IQUB: variants seen among roughly 807,000 people sequenced by gnomAD.
The protein encoded by IQUB is IQ motif and ubiquitin-like domain-containing protein.
IQUB carries 86 observed loss-of-function variants against 86.4 expected under a neutral mutation model. The observed-to-expected ratio is 1.00, with a 90% CI of 0.84 to 1.19. IQUB has a LOEUF of 1.19. Ranked by LOEUF, IQUB falls within the 50% of genes most tolerant of loss-of-function variation. The pLI, the probability that IQUB is intolerant of heterozygous loss-of-function variation, is 0.00. For synonymous variants in IQUB, 289 were observed against 304.5 expected (o/e 0.95, Z 0.53); for missense variants, 946 against 916.9 (o/e 1.03, Z -0.41).
intron 12 of IQUB, among the ~76,000 whole-genome samples, chr7:123,453,834 T>G (rs1260996177): frequency 6.6e-6 from 1 of 152,192 alleles, no homozygotes; most frequent in Non-Finnish European, 1.5e-5. Flanking sequence ...AATTTTCTTG[T>G]TTCTCTGTAA....
intron 10 of IQUB, among the ~76,000 whole-genome samples, chr7:123,463,153 T>TTATC (rs1794082445): frequency 1.3e-5 from 2 of 151,742 alleles, no homozygotes; most frequent in Non-Finnish European, 3.0e-5. Context: ...TTTAAATACT[T>TTATC]TATCTTAATT....
At chr7:123,519,685 G>C (rs886835662) in intron 1 of IQUB, among the ~76,000 whole-genome samples, 13 of 152,024 alleles carry the variant, frequency 8.6e-5, no homozygotes, top group African/African-American at 2.4e-4. Flanking sequence ...GTTGGTTAAG[G>C]GGTTCAAAAA....
Position 123,509,944 on chromosome 7 carries a change from G to A in IQUB, c.489C>T (p.His163=), listed in dbSNP as rs748375916. The part of the protein sequence containing the change: ...ILKYLKDHFS[H]LLGIPHSVLQ... ...GTACAGAATGTGGGATACCTAATAA[G>A]TGTGAAAAATGGTCCTTAAGATATT... is the stretch of plus-strand genomic sequence containing the variant. Residue 163 remains histidine, a synonymous_variant, in exon 3 of 13, where the codon CAC becomes CAT. Coordinates refer to ENST00000324698, the MANE Select transcript of IQUB (RefSeq NM_178827.5). 6.2e-7 allele frequency: 1 copy of A among 1,609,560 alleles called. No homozygotes were observed. Among genetic ancestry groups the A allele is most frequent in the East Asian group, 2.2e-5 (1 of 44,708 alleles).
At chr7:123,489,429 A>C (rs1795361107) in intron 7 of IQUB, among the ~76,000 whole-genome samples, 1 of 152,166 alleles carries the variant, frequency 6.6e-6, no homozygotes, top group Non-Finnish European at 1.5e-5. Flanking sequence ...ATATGAAGAA[A>C]GATACTACAT....
intron 9 of IQUB, among the ~76,000 whole-genome samples, chr7:123,467,752 C>A (rs554817667): frequency 1.3e-5 from 2 of 152,194 alleles, no homozygotes; most frequent in East Asian, 3.9e-4. Context: ...AGCCCCTGAA[C>A]TGCCCTTGTC....
At chr7:123,467,369 C>T (rs1406813683) in intron 9 of IQUB, among the ~76,000 whole-genome samples, 1 of 152,042 alleles carries the variant, frequency 6.6e-6, no homozygotes, top group Non-Finnish European at 1.5e-5. Context: ...CTCCACTGAG[C>T]TTCTCTCCGA....
intron 1 of IQUB, among the ~76,000 whole-genome samples, chr7:123,513,419 G>A (rs186490371): frequency 5.5e-4 from 84 of 152,174 alleles, no homozygotes; most frequent in Middle Eastern, 6.8e-3. Flanking sequence ...GGAAAAGAAA[G>A]CCTAGCATGT....
At position 123,461,268 on chromosome 7, in the gene IQUB, TCACACA is replaced by T. The variant is rs111355527; in HGVS notation, c.2007+83_2007+88del. ...AGTGGAATAGAGAGTCATTAAACAA[TCACACA>T]CACACACACAAACATACATAAGATT... On this transcript the variant is annotated intron_variant, in intron 11 of 12. Transcript: ENST00000324698. 8 of 1,254,268 alleles carry T rather than the reference TCACACA, an allele frequency of 6.4e-6. No individual in the cohort carries two copies. In the African/African-American group the frequency reaches 9.1e-5, roughly 14 times the overall value. 77.7% of individuals were successfully genotyped at this position (1,254,268 alleles called of 1,614,324 possible).
rs377071329 is a variant in IQUB, at chr7:123,461,586, T to G, written c.1778A>C (p.Lys593Thr). The G allele has an allele frequency of 5.6e-6, 9 of 1,610,202 alleles. No individual in the cohort carries two copies. In the African/African-American group the frequency reaches 1.2e-4, roughly 22 times the overall value. ...GCAAAAGTAAATCTTCTTATAAAAT[T>G]TCAATGGGTCTTGAGGGACCTAAAT... ...KYLKVPQDPL[K>T]FYKKIYFCHS... The change falls in exon 11 of 13, where the codon AAA becomes ACA. Residue 593 changes from lysine (K) to threonine (T), a missense_variant. By Grantham distance (78) the Lys-to-Thr change is moderately conservative (BLOSUM62 -1). Transcript: ENST00000324698.
intron 8 of IQUB, among the ~76,000 whole-genome samples, chr7:123,476,148 T>C (rs1280095590): frequency 6.6e-6 from 1 of 151,838 alleles, no homozygotes; most frequent in Non-Finnish European, 1.5e-5. Flanking sequence ...ACTCTTTCCT[T>C]TAAAGGTTCA....
intron 1 of IQUB, among the ~76,000 whole-genome samples, chr7:123,529,173 T>G (rs1797402013): frequency 6.6e-6 from 1 of 152,180 alleles, no homozygotes; most frequent in Non-Finnish European, 1.5e-5. Context: ...ACATGCTAAT[T>G]TTATTTCTCA....
chr7:123,522,463 T>C (rs896041984), intron 1 of IQUB, among the ~76,000 whole-genome samples: 1 of 152,252 alleles, frequency 6.6e-6, no homozygotes, highest in African/African-American at 2.4e-5. Context: ...AAGTCTCATA[T>C]TCCACACTTG....
At chr7:123,476,068 C>A (rs2117053116) in intron 8 of IQUB, among the ~76,000 whole-genome samples, 1 of 152,298 alleles carries the variant, frequency 6.6e-6, no homozygotes, top group Non-Finnish European at 1.5e-5. Context: ...TCCCTACCTT[C>A]TTCCACAAAC....
chr7:123,502,626 C>A lies in IQUB; in HGVS notation c.994G>T (p.Ala332Ser), dbSNP rs1270256657. 1.9e-6 allele frequency: 3 copies of A among 1,611,908 alleles called. No homozygotes were observed. Among genetic ancestry groups the A allele is most frequent in the Non-Finnish European group, 2.5e-6 (3 of 1,179,392 alleles). Residue 332 changes from alanine (A) to serine (S), a missense_variant, in exon 6 of 13, where the codon GCA (alanine) becomes TCA (serine). Ala to Ser is a moderately conservative substitution (Grantham distance 99, BLOSUM62 1). Transcript: ENST00000324698. ...LVTPGKYFSA[A>S]EYHAQRLKAV... ...TTTAGTCTTTGAGCATGGTATTCTG[C>A]TGCTGAAAAATACTTTCCTGGTGTT...
chr7:123,509,629 T>C (rs1431142283), intron 3 of IQUB, among the ~76,000 whole-genome samples: 2 of 152,188 alleles, frequency 1.3e-5, no homozygotes, highest in Non-Finnish European at 2.9e-5. Context: ...ACACATTACA[T>C]GGTAGCTACT....
chr7:123,515,733 AT>A lies in IQUB; in HGVS notation c.-4-3390del, dbSNP rs1489643272. ...TACCTATTAGAATAATTAAAATAATATTTTTTAAAGCTCTCTAATAGCAAGT... is the reference window on the plus strand; with the variant it reads ...TACCTATTAGAATAATTAAAATAATATTTTTAAAGCTCTCTAATAGCAAGT... On this transcript the variant is annotated intron_variant, in intron 1 of 12. Coordinates refer to ENST00000324698, the MANE Select transcript of IQUB (RefSeq NM_178827.5). 5.3e-5 allele frequency among the ~76,000 whole-genome samples: 8 copies of A among 152,242 alleles called. No individual in the cohort carries two copies. The South Asian group carries it at 1.2e-3, about 24-fold the overall frequency.
At chr7:123,508,466 C>A (rs1329081803) in intron 3 of IQUB, among the ~76,000 whole-genome samples, 3 of 152,176 alleles carry the variant, frequency 2.0e-5, no homozygotes. Context: ...AGGCTTAATC[C>A]CACCAAACTG....
At chr7:123,509,174 A>G (rs535242596) in intron 3 of IQUB, among the ~76,000 whole-genome samples, 44 of 152,316 alleles carry the variant, frequency 2.9e-4, no homozygotes, top group African/African-American at 9.9e-4. Flanking sequence ...CTGTTCAGAC[A>G]TATTCTATAA....
intron 12 of IQUB, among the ~76,000 whole-genome samples, chr7:123,456,256 T>G (rs1427695333): frequency 6.6e-6 from 1 of 152,124 alleles, no homozygotes; most frequent in Non-Finnish European, 1.5e-5. Context: ...GGGAGTTGTG[T>G]GGATTAATTG....
Sources: allele counts gnomAD v4.1 joint callset (sites outside exome capture counted in the v4.1 genomes callset), GRCh38; gene constraint gnomAD v4.1.1; transcripts MANE v1.5; gene names NCBI Gene and HGNC (gene_info 2026-07-23, HGNC 2026-07-21).